Variants in TRIM27 observed in about 807,000 individuals in gnomAD.
TRIM27 encodes tripartite motif containing 27, also known as zinc finger protein RFP.
TRIM27 carries 12 observed loss-of-function variants against 57.6 expected under a neutral mutation model. That is an observed-to-expected ratio of 0.21 (90% CI 0.13 to 0.34). TRIM27 has a LOEUF of 0.34. Ranked by LOEUF, TRIM27 falls within the 10% of genes least tolerant of loss-of-function variation. TRIM27 has a pLI of 1.00. For synonymous variants in TRIM27, 266 were observed against 259.0 expected (o/e 1.03, Z -0.26); for missense variants, 403 against 656.8 (o/e 0.61, Z 4.22).
chr6:28,910,522 G>T (rs371681647), intron 4 of TRIM27, among the ~76,000 whole-genome samples: 1 of 152,114 alleles, frequency 6.6e-6, no homozygotes, highest in Non-Finnish European at 1.5e-5. Flanking sequence ...TAGAAATGGG[G>T]TTTCACCATG....
chr6:28,913,211 T>C (rs1395004468), intron 3 of TRIM27, among the ~76,000 whole-genome samples: 1 of 148,600 alleles, frequency 6.7e-6, no homozygotes, highest in Non-Finnish European at 1.5e-5. Flanking sequence ...GCTGAGATCT[T>C]GCCATTGTAC....
intron 6 of TRIM27, 36 bp downstream of exon 6, chr6:28,908,772 C>G: frequency 6.2e-7 from 1 of 1,609,978 alleles, no homozygotes; most frequent in Non-Finnish European, 8.5e-7. Flanking sequence ...TTCCAAGCAA[C>G]TTTACATCAA....
Position 28,923,588 on chromosome 6 carries a change from G to T in TRIM27, c.45C>A (p.Thr15=). The T allele has an allele frequency of 1.2e-6, 2 of 1,604,088 alleles. No homozygotes were observed. ...CGAAGTACTGCAGGCACACGGGGCA[G>T]GTGGTCTCCTGCTGCAGGCACTCGG... ...SVAECLQQET[T]CPVCLQYFAE... The change falls in exon 1 of 8, where the codon ACC becomes ACA. Residue 15 remains threonine, a synonymous_variant. Coordinates refer to ENST00000377199, the MANE Select transcript of TRIM27 (RefSeq NM_006510.5).
intron 3 of TRIM27, among the ~76,000 whole-genome samples, chr6:28,913,267 A>ATATAT (rs1230034469): frequency 2.2e-5 from 3 of 133,596 alleles, no homozygotes; most frequent in African/African-American, 9.3e-5. Context: ...AAAAAAAAAA[A>ATATAT]AAATATATAT....
intron 5 of TRIM27, 25 bp from the exon 6 acceptor site, chr6:28,908,865 T>C: frequency 6.2e-7 from 1 of 1,613,430 alleles, no homozygotes; most frequent in South Asian, 1.1e-5. Flanking sequence ...CAAGAAAATA[T>C]TCAGTCTGCA....
intron 6 of TRIM27, chr6:28,907,885 T>C: frequency 3.7e-6 from 1 of 268,214 alleles, no homozygotes; most frequent in South Asian, 5.9e-5. Flanking sequence ...GCTAGCTCTA[T>C]GTTGCTAGAT....
At position 28,922,052 on chromosome 6, in the gene TRIM27, C is replaced by A. The variant is rs1234888630; in HGVS notation, c.421-65G>T. ...AGACCTTAGCATCAGCATGGTACTT[C>A]TTATCACACATGGAGTCCACACACC... is the stretch of plus-strand genomic sequence containing the variant. On this transcript the variant is annotated intron_variant, in intron 1 of 7. Coordinates refer to ENST00000377199, the MANE Select transcript of TRIM27 (RefSeq NM_006510.5). 6 of 1,221,092 alleles carry A rather than the reference C, an allele frequency of 4.9e-6. No individual in the cohort carries two copies. In the African/African-American group the frequency reaches 6.0e-5, roughly 12 times the overall value. 75.6% of individuals were successfully genotyped at this position (1,221,092 alleles called of 1,614,324 possible).
chr6:28,904,655 A>G lies in TRIM27; in HGVS notation c.957T>C (p.Thr319=), dbSNP rs1487400628. 1.9e-6 allele frequency: 3 copies of G among 1,597,318 alleles called. No homozygotes were observed. The highest frequency in any genetic ancestry group is 1.3e-5 in the African/African-American group (1 of 74,834). The stretch of plus-strand genomic sequence containing the variant: ...TGGGGTAGGCCGTGTCTGGGTCCAG[A>G]GTCACGTCCACTGTAGAGACACAAG... ...REAQLYSVDV[T]LDPDTAYPSL... is the part of the protein sequence containing the mutation. The change falls in exon 8 of 8, where the codon ACT becomes ACC. Residue 319 remains threonine (T), a synonymous_variant. Transcript: ENST00000377199. The surrounding 1 kb of genome is among the most constrained non-coding windows in gnomAD (Gnocchi z 6.1).
Position 28,909,106 on chromosome 6 carries a change from G to T in TRIM27, c.771-18C>A. On this transcript the variant is annotated intron_variant, in intron 4 of 7. Transcript: ENST00000377199. Reference sequence around the variant, plus strand: ...TTTCAGCCCTAAATTTAAAAAACATGAGTAAATTTTTTTTTTTTTTGAGAT... The same window carrying T: ...TTTCAGCCCTAAATTTAAAAAACATTAGTAAATTTTTTTTTTTTTTGAGAT... The T allele has an allele frequency of 6.4e-7, 1 of 1,569,242 alleles. No individual in the cohort carries two copies.
rs150094185 is a variant in TRIM27 at position 28,908,727 on chromosome 6, C to G, written c.919+81G>C. ...GCTGGCCAATGGGTATCACCCTTAT[C>G]CCACGTTTCCCACTTTCAGTGCAGA... is the stretch of plus-strand genomic sequence containing the variant. On this transcript the variant is annotated intron_variant, in intron 6 of 7. Transcript: ENST00000377199. 4.3e-6 allele frequency: 6 copies of G among 1,388,122 alleles called. No homozygotes were observed. In the African/African-American group the frequency reaches 7.2e-5, roughly 17 times the overall value. 86.0% of individuals were successfully genotyped at this position (1,388,122 alleles called of 1,614,324 possible).
intron 3 of TRIM27, among the ~76,000 whole-genome samples, chr6:28,913,255 CAA>C (rs66466461): frequency 9.5e-6 from 1 of 105,392 alleles, no homozygotes; most frequent in Non-Finnish European, 2.1e-5. Context: ...AACTCCATCT[CAA>C]AAAAAAAAAA....
chr6:28,911,415 T>A (rs937886525), intron 4 of TRIM27: 1 of 381,212 alleles, frequency 2.6e-6, no homozygotes, highest in Non-Finnish European at 4.6e-6. Context: ...ACTACCCTTA[T>A]ATTCAGCCCA....
chr6:28,913,010 C>T (rs1485187906), intron 3 of TRIM27, among the ~76,000 whole-genome samples: 1 of 152,064 alleles, frequency 6.6e-6, no homozygotes, highest in Non-Finnish European at 1.5e-5. Context: ...AATCCCAGCA[C>T]TTTGGGAGGT....
At position 28,904,027 on chromosome 6, in the gene TRIM27, G is replaced by A. The variant is rs746627452; in HGVS notation, c.*43C>T. 7.0e-5 allele frequency: 107 copies of A among 1,532,874 alleles called. No homozygotes were observed. The highest frequency in any genetic ancestry group is 3.5e-4 in the Middle Eastern group (2 of 5,738). 95.0% of individuals were successfully genotyped at this position (1,532,874 alleles called of 1,614,324 possible). A position where few individuals can be genotyped will look rare whatever the true frequency, so the allele number is the denominator to read the frequency against. On this transcript the variant is annotated 3_prime_UTR_variant, in exon 8 of 8. Coordinates refer to ENST00000377199, the MANE Select transcript of TRIM27 (RefSeq NM_006510.5). This position sits in a 1 kb window ranked among gnomAD's most constrained non-coding sequence, Gnocchi z 6.1. ...GGCAACAAGATGCCTTGTGCCTGGC[G>A]TAGGATTACAGCCAACAGCCCTTTT... is the stretch of plus-strand genomic sequence containing the variant.
chr6:28,907,836 T>C, intron 6 of TRIM27: 1 of 331,920 alleles, frequency 3.0e-6, no homozygotes, highest in Non-Finnish European at 5.9e-6. Context: ...TTGAGTGGAG[T>C]TTCTCCCCAT....
At position 28,903,156 on chromosome 6, in the gene TRIM27, C is replaced by T. The variant is rs1198064294; in HGVS notation, c.*914G>A. ...TCCAATGGCCATGGGGACGGAGCTG[C>T]CCCTTGATAGGATGCACTTAAGCAT... is the stretch of plus-strand genomic sequence containing the variant. On this transcript the variant is annotated 3_prime_UTR_variant, in exon 8 of 8. Transcript: ENST00000377199. 2 of 232,308 alleles carry T rather than the reference C, an allele frequency of 8.6e-6. No homozygotes were observed. The highest frequency in any genetic ancestry group is 1.7e-5 in the Non-Finnish European group (2 of 117,500). 14.4% of individuals were successfully genotyped at this position (232,308 alleles called of 1,614,324 possible).
chr6:28,906,285 C>T (rs1772764715), intron 7 of TRIM27: 1 of 152,092 alleles, frequency 6.6e-6, no homozygotes, highest in African/African-American at 2.4e-5. Context: ...TTGCTCCTCA[C>T]ATCTTGTTCA....
intron 3 of TRIM27, among the ~76,000 whole-genome samples, chr6:28,912,834 G>A (rs1365791594): frequency 6.6e-6 from 1 of 152,158 alleles, no homozygotes; most frequent in Non-Finnish European, 1.5e-5. Context: ...TTTTGGGGGT[G>A]CATGCGATAA....
Position 28,923,441 on chromosome 6 carries a change from G to A in TRIM27, c.192C>T (p.His64=). 1 of 1,612,244 alleles carries A rather than the reference G, an allele frequency of 6.2e-7. No individual in the cohort carries two copies. ...PQCRETFPQR[H]MRPNRHLANV... is the part of the protein sequence containing the mutation. ...TGGCCAGGTGCCGGTTGGGCCGCATGTGCCTCTGCGGGAAGGTCTCCCGGC... is the reference window on the plus strand; with the variant it reads ...TGGCCAGGTGCCGGTTGGGCCGCATATGCCTCTGCGGGAAGGTCTCCCGGC... Residue 64 remains histidine, a synonymous_variant, in exon 1 of 8, where the codon CAC becomes CAT. Coordinates refer to ENST00000377199, the MANE Select transcript of TRIM27 (RefSeq NM_006510.5).
Sources: gnomAD v4.1 joint callset for allele counts (sites outside exome capture counted in the v4.1 genomes callset) on GRCh38, gnomAD v4.1.1 for gene constraint, Gnocchi (gnomAD v3.1) non-coding constraint, MANE v1.5 for transcripts, NCBI Gene and HGNC (gene_info 2026-07-23, HGNC 2026-07-21) for gene names.